Variants in SPG11 observed in about 807,000 individuals in gnomAD.
SPG11 encodes spatacsin.
A neutral mutation model predicts 274.0 loss-of-function variants in SPG11; 222 were observed. The ratio of observed to expected loss-of-function variants is 0.81; its 90% CI spans 0.73 to 0.91. The LOEUF (loss-of-function observed/expected upper bound fraction) is 0.91. Ranked by LOEUF, SPG11 falls within the 40% of genes least tolerant of loss-of-function variation. SPG11 has a pLI of 0.00. For synonymous variants in SPG11, 1,144 were observed against 1,039.7 expected (o/e 1.10, Z -1.93); for missense variants, 3,114 against 2,872.7 (o/e 1.08, Z -1.92).
At chr15:44,646,219 T>C (rs1007697857) in intron 7 of SPG11, among the ~76,000 whole-genome samples, 19 of 152,102 alleles carry the variant, frequency 1.2e-4, no homozygotes, top group African/African-American at 4.6e-4. Context: ...GGCAAAGATA[T>C]GGAATCAACC....
chr15:44,631,161 T>C (rs1205786911), intron 8 of SPG11, among the ~76,000 whole-genome samples: 1 of 152,174 alleles, frequency 6.6e-6, no homozygotes, highest in African/African-American at 2.4e-5. Context: ...AATGATTATA[T>C]ATATGTGAAA....
At chr15:44,615,138 C>A (rs1244388437) in intron 16 of SPG11, among the ~76,000 whole-genome samples, 1 of 152,130 alleles carries the variant, frequency 6.6e-6, no homozygotes, top group Non-Finnish European at 1.5e-5. Context: ...AAAAGGTTAA[C>A]AGAGATACTA....
rs576028420 is a variant in SPG11, at chr15:44,646,949, C to T, written c.1602+1917G>A. Among the ~76,000 whole-genome samples, 11 of 152,158 alleles carry T rather than the reference C, an allele frequency of 7.2e-5. No individual in the cohort carries two copies. In the East Asian group the frequency reaches 2.1e-3, roughly 29 times the overall value. ...ATATGCAATTTACCTATGTGACAAA[C>T]CTGCAAATGTACCCCTGAACCTAAA... On this transcript the variant is annotated intron_variant, in intron 7 of 39. Transcript: ENST00000261866.
At position 44,569,462 on chromosome 15, in the gene SPG11, T is replaced by A; in HGVS notation, c.6521A>T (p.Tyr2174Phe). 1 of 1,605,408 alleles carries A rather than the reference T, an allele frequency of 6.2e-7. No homozygotes were observed. The highest frequency in any genetic ancestry group is 2.2e-5 in the East Asian group (1 of 44,730). The part of the protein sequence containing the change: ...TGIGRYNEMT[Y>F]IFDLLHKKHY... ...CTTTTTATGCAGCAAATCAAATATG[T>A]ATGTCATCTCGTTGTACCTTCCAAT... is the stretch of plus-strand genomic sequence containing the variant. The change falls in exon 35 of 40, where the codon TAC becomes TTC. Residue 2174 changes from tyrosine to phenylalanine, a missense_variant. Tyr to Phe is a conservative substitution (Grantham distance 22). Coordinates refer to ENST00000261866, the MANE Select transcript of SPG11 (RefSeq NM_025137.4).
intron 36 of SPG11, 141 bp downstream of exon 36, chr15:44,567,283 G>C: frequency 1.2e-6 from 1 of 817,584 alleles, no homozygotes; most frequent in Non-Finnish European, 1.9e-6. Flanking sequence ...CCTGGGAGGC[G>C]GAGGTTGCAG....
At chr15:44,654,936 G>C (rs896398117) in intron 4 of SPG11, among the ~76,000 whole-genome samples, 1 of 152,156 alleles carries the variant, frequency 6.6e-6, no homozygotes. Flanking sequence ...AAATGTAAAC[G>C]AATGTCAAGA....
Position 44,564,549 on chromosome 15 carries a change from T to C in SPG11, c.7149A>G (p.Lys2383=), listed in dbSNP as rs2082270950. ...LKSSIFEEIS[K]KYKQHQPTDM... The stretch of plus-strand genomic sequence containing the variant: ...TACAGTCAACTTTTAATACTTACTT[T>C]TTGGAAATCTCTTCAAATATACTGG... The change falls in exon 39 of 40, where the codon AAA becomes AAG. Residue 2383 remains lysine (K), a splice_region_variant and synonymous_variant. Coordinates refer to ENST00000261866, the MANE Select transcript of SPG11 (RefSeq NM_025137.4). 1 of 1,613,658 alleles carries C rather than the reference T, an allele frequency of 6.2e-7. No homozygotes were observed. Among genetic ancestry groups the C allele is most frequent in the African/African-American group, 1.3e-5 (1 of 74,918 alleles).
Position 44,622,798 on chromosome 15 carries a change from C to T in SPG11, c.2246G>A (p.Gly749Glu). 1 of 1,613,106 alleles carries T rather than the reference C, an allele frequency of 6.2e-7. No homozygotes were observed. The highest frequency in any genetic ancestry group is 1.1e-5 in the South Asian group (1 of 91,070). The part of the protein sequence containing the change: ...KEASELLKNM[G>E]FDVKGQLLKI... ...GAGCAATTGGCCTTTTACATCAAAC[C>T]CCTAAAATAAACATAGAAAACCAAA... Residue 749 changes from glycine to glutamate, a missense_variant and splice_region_variant, in exon 12 of 40, where the codon GGG becomes GAG. Coordinates refer to ENST00000261866, the MANE Select transcript of SPG11 (RefSeq NM_025137.4).
At chr15:44,636,261 A>G (rs1376572482) in intron 7 of SPG11, among the ~76,000 whole-genome samples, 1 of 152,080 alleles carries the variant, frequency 6.6e-6, no homozygotes, top group African/African-American at 2.4e-5. Context: ...TAAACTAGAA[A>G]AAATTATTGG....
chr15:44,652,076 C>T, intron 5 of SPG11, 53 bp downstream of exon 5: 1 of 1,607,894 alleles, frequency 6.2e-7, no homozygotes, highest in South Asian at 1.1e-5. Flanking sequence ...GGTACAGCGT[C>T]AGCATGATAA....
At chr15:44,617,403 G>A (rs987395521) in intron 15 of SPG11, among the ~76,000 whole-genome samples, 5 of 152,214 alleles carry the variant, frequency 3.3e-5, no homozygotes, top group African/African-American at 7.2e-5. Context: ...ACAACACAAG[G>A]TAGGGAGGGG....
At chr15:44,606,718 T>C (rs1887359207) in intron 19 of SPG11, among the ~76,000 whole-genome samples, 1 of 152,156 alleles carries the variant, frequency 6.6e-6, no homozygotes, top group African/African-American at 2.4e-5. Context: ...AAGTCAGGAT[T>C]TGGATGGCCC....
intron 20 of SPG11, 81 bp from the exon 21 acceptor site, chr15:44,600,713 A>G (rs932525831): frequency 2.1e-6 from 3 of 1,439,174 alleles, no homozygotes; most frequent in Non-Finnish European, 2.9e-6. Context: ...CTCTCTAATG[A>G]TAAAACTGGT....
intron 6 of SPG11, among the ~76,000 whole-genome samples, chr15:44,651,233 T>G (rs979787178): frequency 6.6e-6 from 1 of 152,192 alleles, no homozygotes; most frequent in Non-Finnish European, 1.5e-5. Context: ...GAAGACTCTT[T>G]GGGTTAAAAA....
chr15:44,611,933 G>GT (rs1268284990), intron 17 of SPG11, among the ~76,000 whole-genome samples: 4 of 147,120 alleles, frequency 2.7e-5, no homozygotes, highest in African/African-American at 1.0e-4. Context: ...AGCCTCCCAA[G>GT]TAGCCGGGAC....
rs780266075 is a variant in SPG11, at chr15:44,660,440, T to TG, written c.433dup (p.Gln145ProfsTer18). 1.2e-6 allele frequency: 2 copies of TG among 1,613,630 alleles called. No homozygotes were observed. The highest frequency in any genetic ancestry group is 1.7e-6 in the Non-Finnish European group (2 of 1,179,776). ...CACCTGTAGATACTTACTGATATCT[T>TG]GATCGTCAATGAGCTTTTGCAATGC... On this transcript the variant is annotated frameshift_variant, in exon 2 of 40. Coordinates refer to ENST00000261866, the MANE Select transcript of SPG11 (RefSeq NM_025137.4). LOFTEE classifies it high-confidence loss of function.
chr15:44,635,534 A>G (rs1457468603), intron 7 of SPG11, among the ~76,000 whole-genome samples: 1 of 146,728 alleles, frequency 6.8e-6, no homozygotes, highest in Non-Finnish European at 1.5e-5. Flanking sequence ...TGAGCCCAAG[A>G]AGTTGAGGCT....
rs562111693 is a variant in SPG11 at position 44,589,429 on chromosome 15, G to C, written c.4744-15C>G. The C allele has an allele frequency of 6.2e-7, 1 of 1,613,982 alleles. No homozygotes were observed. The highest frequency in any genetic ancestry group is 2.2e-5 in the East Asian group (1 of 44,884). On this transcript the variant is annotated splice_polypyrimidine_tract_variant and intron_variant, in intron 27 of 39. Transcript: ENST00000261866. ...GCTGTGTTAAGCTATGAAAGAAAAA[G>C]AGAAGCTTAGGGAAAGCAGTTTCAT...
chr15:44,629,537 G>T (rs2083997928), intron 8 of SPG11, 149 bp from the exon 9 acceptor site: 2 of 782,040 alleles, frequency 2.6e-6, no homozygotes, highest in Non-Finnish European at 4.1e-6. Flanking sequence ...TTTTCTGCAG[G>T]CTTATTACCT....
Sources: gnomAD v4.1 joint callset for allele counts (sites outside exome capture counted in the v4.1 genomes callset) on GRCh38, gnomAD v4.1.1 for gene constraint, MANE v1.5 for transcripts, NCBI Gene and HGNC (gene_info 2026-07-23, HGNC 2026-07-21) for gene names.